The following NCAM1 variants were observed in gnomAD, a reference collection of about 807,000 sequenced individuals.
NCAM1 encodes antigen recognized by monoclonal antibody 5.1H11.
Under a neutral mutation model 109.8 loss-of-function variants are expected in NCAM1, and 14 were observed. That is an observed-to-expected ratio of 0.13 (90% confidence interval 0.08 to 0.20). The LOEUF is 0.20. NCAM1 is among the 10% of genes least tolerant of loss of function. The pLI is 1.00. For synonymous variants in NCAM1, 418 were observed against 442.9 expected (o/e 0.94, Z 0.70); for missense variants, 774 against 1,109.9 (o/e 0.70, Z 4.30).
intron 1 of NCAM1, among the ~76,000 whole-genome samples, chr11:113,100,345 C>A (rs1939817666): frequency 6.6e-6 from 1 of 152,142 alleles, no homozygotes; most frequent in African/African-American, 2.4e-5. Flanking sequence ...TTTGTTATTA[C>A]AATTAATGCT....
intron 1 of NCAM1, among the ~76,000 whole-genome samples, chr11:113,149,517 TGAG>T (rs1361500156): frequency 1.3e-5 from 2 of 152,096 alleles, no homozygotes; most frequent in African/African-American, 4.8e-5. Context: ...GTGGCTGAGT[TGAG>T]GAGGTAGGTG....
intron 9 of NCAM1, among the ~76,000 whole-genome samples, chr11:113,229,248 A>G (rs1457200520): frequency 1.2e-5 from 1 of 86,206 alleles, no homozygotes; most frequent in Admixed American, 1.2e-4. Flanking sequence ...AAAAAATCAA[A>G]CAACCCCATC....
At chr11:112,991,398 A>G (rs1197360877) in intron 1 of NCAM1, among the ~76,000 whole-genome samples, 2 of 152,212 alleles carry the variant, frequency 1.3e-5, no homozygotes, top group African/African-American at 2.4e-5. Flanking sequence ...TTTATAGGCT[A>G]TTATAGTTCA....
At chr11:113,217,647 A>G (rs929415127) in intron 8 of NCAM1, among the ~76,000 whole-genome samples, 5 of 152,220 alleles carry the variant, frequency 3.3e-5, no homozygotes, top group Admixed American at 6.5e-5. Context: ...CTTGTGGTCA[A>G]CTAAAATGCT....
At chr11:113,139,859 A>C (rs1941748468) in intron 1 of NCAM1, among the ~76,000 whole-genome samples, 1 of 152,238 alleles carries the variant, frequency 6.6e-6, no homozygotes, top group Non-Finnish European at 1.5e-5. Flanking sequence ...AATGTGGAAT[A>C]TTCAATTAAA....
chr11:113,001,361 G>C (rs1349000703), intron 1 of NCAM1, among the ~76,000 whole-genome samples: 7 of 152,066 alleles, frequency 4.6e-5, no homozygotes, highest in Admixed American at 3.3e-4. Context: ...CCACTCAAAT[G>C]ATGTGGAATT....
At chr11:113,225,134 C>T (rs962711921) in intron 9 of NCAM1, among the ~76,000 whole-genome samples, 10 of 152,084 alleles carry the variant, frequency 6.6e-5, no homozygotes, top group African/African-American at 9.7e-5. Context: ...CAAACTTCTC[C>T]GAGCTAAAGG....
At chr11:113,176,936 C>G (rs1211466247) in intron 1 of NCAM1, among the ~76,000 whole-genome samples, 9 of 152,136 alleles carry the variant, frequency 5.9e-5, no homozygotes, top group Admixed American at 5.9e-4. Flanking sequence ...AATTAACATG[C>G]AGAAGGGCAT....
At chr11:113,143,977 G>GCATAT (rs537317832) in intron 1 of NCAM1, among the ~76,000 whole-genome samples, 71 of 152,182 alleles carry the variant, frequency 4.7e-4, no homozygotes, top group Non-Finnish European at 8.7e-4. Context: ...GCAAGTGACA[G>GCATAT]CATATCTTTC....
intron 1 of NCAM1, among the ~76,000 whole-genome samples, chr11:113,075,376 A>T (rs1202185184): frequency 6.6e-6 from 1 of 152,138 alleles, no homozygotes; most frequent in Non-Finnish European, 1.5e-5. Flanking sequence ...GGTCCTGATT[A>T]TAAACCCTCT....
At chr11:113,189,449 C>CAAAAAAAA (rs10712434) in intron 1 of NCAM1, among the ~76,000 whole-genome samples, 18 of 118,006 alleles carry the variant, frequency 1.5e-4, no homozygotes, top group East Asian at 7.2e-4. Flanking sequence ...GATTCTGTCT[C>CAAAAAAAA]AAAAAAAAAA....
chr11:112,977,278 A>G (rs1951032715), intron 1 of NCAM1: 1 of 151,912 alleles, frequency 6.6e-6, no homozygotes, highest in Non-Finnish European at 1.5e-5. Flanking sequence ...TAGTGATTTA[A>G]TAACAATTTG....
rs369165200 is a variant in NCAM1 at position 113,047,907 on chromosome 11, G to A, written c.52+86243G>A. ...ACTGAGTCCCTCCCACAACACTTGG[G>A]GAATTATGGTAGCTACAATTGAAGA... On this transcript the variant is annotated intron_variant, in intron 1 of 19. Coordinates refer to ENST00000316851, the MANE Select transcript of NCAM1 (RefSeq NM_181351.5). Among the ~76,000 whole-genome samples the A allele has an allele frequency of 9.9e-5, 15 of 152,216 alleles. No homozygotes were observed. In the South Asian group the frequency reaches 1.7e-3, roughly 17 times the overall value.
At chr11:113,058,003 G>A (rs1740887025) in intron 1 of NCAM1, among the ~76,000 whole-genome samples, 1 of 152,172 alleles carries the variant, frequency 6.6e-6, no homozygotes, top group African/African-American at 2.4e-5. Context: ...CATGGATGTG[G>A]GGTGGGTTTG....
chr11:113,254,342 A>G (rs1325986484), intron 15 of NCAM1, among the ~76,000 whole-genome samples: 1 of 152,258 alleles, frequency 6.6e-6, no homozygotes, highest in Non-Finnish European at 1.5e-5. Flanking sequence ...ACAAATAATA[A>G]GCACAACTTT....
Position 113,233,887 on chromosome 11 carries a change from T to C in NCAM1, c.1693+570T>C, listed in dbSNP as rs1945084901. Reference sequence around the variant, plus strand: ...CTGAGCCCAGATCATCTGAGGATAATGTGTGCTTATGTTGGACTCCCCTTT... The same window carrying C: ...CTGAGCCCAGATCATCTGAGGATAACGTGTGCTTATGTTGGACTCCCCTTT... On this transcript the variant is annotated intron_variant, in intron 13 of 19. Coordinates refer to ENST00000316851, the MANE Select transcript of NCAM1 (RefSeq NM_181351.5). The surrounding 1 kb of genome is among the most constrained non-coding windows in gnomAD (Gnocchi z 4.5). 6.6e-6 allele frequency among the ~76,000 whole-genome samples: 1 copy of C among 152,228 alleles called. No homozygotes were observed.
intron 1 of NCAM1, among the ~76,000 whole-genome samples, chr11:113,080,726 TAC>T (rs1938771562): frequency 6.6e-6 from 1 of 152,242 alleles, no homozygotes; most frequent in Admixed American, 6.5e-5. Context: ...CATTGGATCG[TAC>T]ACATGGAGCC....
chr11:113,194,396 AG>A (rs1943789301), intron 1 of NCAM1, among the ~76,000 whole-genome samples: 1 of 152,102 alleles, frequency 6.6e-6, no homozygotes, highest in Non-Finnish European at 1.5e-5. Flanking sequence ...ATTTGGGGGC[AG>A]GGGTTAAGGA....
intron 1 of NCAM1, among the ~76,000 whole-genome samples, chr11:113,126,034 G>A (rs1314925094): frequency 6.6e-6 from 1 of 151,638 alleles, no homozygotes; most frequent in African/African-American, 2.4e-5. Flanking sequence ...GTGCATGCCT[G>A]TAGTCCCAGC....
Sources: allele counts gnomAD v4.1 joint callset (sites outside exome capture counted in the v4.1 genomes callset), GRCh38; gene constraint gnomAD v4.1.1; non-coding constraint Gnocchi (gnomAD v3.1); transcripts MANE v1.5; gene names NCBI Gene and HGNC (gene_info 2026-07-23, HGNC 2026-07-21).